The following SHANK2 variants were observed in gnomAD, a reference collection of about 807,000 sequenced individuals.
SHANK2 encodes SH3 and multiple ankyrin repeat domains 2.
SHANK2 carries 43 observed loss-of-function variants against 133.7 expected under a neutral mutation model. The ratio of observed to expected loss-of-function variants is 0.32; its 90% CI spans 0.25 to 0.41. SHANK2 has a LOEUF of 0.41. Among genes scored for constraint, SHANK2 ranks in the 10% least tolerant of loss-of-function variants. The pLI is 1.00. For synonymous variants in SHANK2, 1,017 were observed against 952.8 expected, an observed-to-expected ratio of 1.07 and a Z score of -1.24; for missense variants, 1,994 against 2,235.8, an observed-to-expected ratio of 0.89 and a Z score of 2.18.
intron 14 of SHANK2, among the ~76,000 whole-genome samples, chr11:70,729,867 GC>G (rs1669740476): frequency 6.7e-6 from 1 of 149,612 alleles, no homozygotes. Context: ...GATAGTTCTG[GC>G]GTTTGAGAAT....
At chr11:70,600,502 C>G (rs1433329458) in intron 17 of SHANK2, among the ~76,000 whole-genome samples, 1 of 150,080 alleles carries the variant, frequency 6.7e-6, no homozygotes, top group Non-Finnish European at 1.5e-5. Context: ...ATGTAAAGAG[C>G]CAACGATTGC....
intron 8 of SHANK2, among the ~76,000 whole-genome samples, chr11:71,091,509 G>A (rs1264076382): frequency 6.6e-6 from 1 of 152,126 alleles, no homozygotes; most frequent in Non-Finnish European, 1.5e-5. Flanking sequence ...CAAGAAACCA[G>A]TCAGGGCCCT....
chr11:71,199,670 G>A (rs544838176), intron 2 of SHANK2, among the ~76,000 whole-genome samples: 1 of 152,346 alleles, frequency 6.6e-6, no homozygotes, highest in South Asian at 2.1e-4. Flanking sequence ...CCTGAGCCCA[G>A]TGGATGCCCT....
At chr11:70,656,965 G>A (rs937432094) in intron 17 of SHANK2, among the ~76,000 whole-genome samples, 13 of 152,308 alleles carry the variant, frequency 8.5e-5, no homozygotes, top group East Asian at 5.8e-4. Flanking sequence ...GCCGAGAGCC[G>A]GATGGCCACG....
chr11:70,781,724 T>C, intron 14 of SHANK2, among the ~76,000 whole-genome samples: 1 of 120,168 alleles, frequency 8.3e-6, no homozygotes, highest in African/African-American at 3.1e-5. Flanking sequence ...CCTAATGCTA[T>C]CCTTCTCCCC....
chr11:71,199,307 C>A (rs190497680), intron 2 of SHANK2, among the ~76,000 whole-genome samples: 142 of 152,346 alleles, frequency 9.3e-4, no homozygotes, highest in Admixed American at 2.1e-3. Flanking sequence ...CAGATGTGAA[C>A]AAGCCGCATA....
At chr11:71,208,564 T>A (rs1591021554) in intron 2 of SHANK2, among the ~76,000 whole-genome samples, 1 of 149,432 alleles carries the variant, frequency 6.7e-6, no homozygotes, top group South Asian at 2.2e-4. Context: ...ACATTACAGG[T>A]GGGTATAAAA....
chr11:70,858,755 A>G (rs4980651), intron 11 of SHANK2, among the ~76,000 whole-genome samples: 18,439 of 152,254 alleles, frequency 0.12, 1,429 homozygotes, highest in Middle Eastern at 0.19. Context: ...TCTCCAGCCT[A>G]ACTTTACTAC....
chr11:71,248,622 G>A (rs577381949), intron 1 of SHANK2, among the ~76,000 whole-genome samples: 1 of 152,296 alleles, frequency 6.6e-6, no homozygotes, highest in East Asian at 1.9e-4. Flanking sequence ...CAATCAAAAG[G>A]AAAATGCTCG....
intron 17 of SHANK2, among the ~76,000 whole-genome samples, chr11:70,646,534 G>A (rs1565210332): frequency 1.3e-5 from 2 of 152,220 alleles, no homozygotes; most frequent in Admixed American, 1.3e-4. Context: ...TCTCTGCTTA[G>A]GGGCTATGGA....
intron 11 of SHANK2, among the ~76,000 whole-genome samples, chr11:70,857,717 C>A (rs1271735508): frequency 6.6e-6 from 1 of 152,170 alleles, no homozygotes; most frequent in Non-Finnish European, 1.5e-5. Flanking sequence ...AGATCTAAGC[C>A]CACAAGACTT....
intron 8 of SHANK2, among the ~76,000 whole-genome samples, chr11:71,080,451 T>C (rs1023882309): frequency 2.6e-5 from 4 of 152,234 alleles, no homozygotes; most frequent in East Asian, 3.9e-4. Context: ...CCTAAAACTA[T>C]GGCAAGAGGA....
At chr11:71,133,452 A>AGATG (rs1555104125) in intron 3 of SHANK2, among the ~76,000 whole-genome samples, 2 of 111,724 alleles carry the variant, frequency 1.8e-5, no homozygotes, top group African/African-American at 7.2e-5. Context: ...ACGGACGGAC[A>AGATG]GACGGAGGGA....
intron 2 of SHANK2, among the ~76,000 whole-genome samples, chr11:71,216,704 G>A (rs1954421284): frequency 6.6e-6 from 1 of 152,132 alleles, no homozygotes; most frequent in Non-Finnish European, 1.5e-5. Flanking sequence ...TGAGGTCACA[G>A]CCCCAGGGAC....
intron 17 of SHANK2, among the ~76,000 whole-genome samples, chr11:70,641,136 C>A (rs1421323535): frequency 6.9e-6 from 1 of 144,196 alleles, no homozygotes; most frequent in Non-Finnish European, 1.5e-5. Context: ...TGCTGTGTTG[C>A]CCAGGCTGGA....
chr11:70,817,040 C>G (rs1555054548), intron 12 of SHANK2, among the ~76,000 whole-genome samples: 1 of 152,218 alleles, frequency 6.6e-6, no homozygotes, highest in Non-Finnish European at 1.5e-5. Flanking sequence ...CTTCTGCCCC[C>G]CGAATGCATA....
intron 2 of SHANK2, among the ~76,000 whole-genome samples, chr11:71,177,639 A>G (rs992732973): frequency 1.3e-5 from 2 of 152,246 alleles, no homozygotes; most frequent in Non-Finnish European, 2.9e-5. Context: ...GAAAATAAAT[A>G]GTAAGATGAC....
Position 70,757,480 on chromosome 11 carries a change from C to T in SHANK2, c.1777+40963G>A, listed in dbSNP as rs369815433. Among the ~76,000 whole-genome samples the T allele has an allele frequency of 4.0e-3, 608 of 152,316 alleles. 3 individuals carry two copies. Among genetic ancestry groups the T allele is most frequent in the African/African-American group, 0.014 (571 of 41,574 alleles). ...AGCCCTGCGGCAGCAGCTCCCATGG[C>T]GTGTTGAGCCAACACTGTGGTGTAT... On this transcript the variant is annotated intron_variant, in intron 14 of 25. Transcript: ENST00000601538.
chr11:71,126,927 G>C (rs11232148), intron 3 of SHANK2, among the ~76,000 whole-genome samples: 1 of 151,978 alleles, frequency 6.6e-6, no homozygotes, highest in Admixed American at 6.6e-5. Flanking sequence ...GGATGATCTC[G>C]ATCTCCTAAC....
Sources: allele counts gnomAD v4.1 joint callset (sites outside exome capture counted in the v4.1 genomes callset), GRCh38; gene constraint gnomAD v4.1.1; transcripts MANE v1.5; gene names NCBI Gene and HGNC (gene_info 2026-07-23, HGNC 2026-07-21).